The following C5 variants were observed in gnomAD, a reference collection of about 807,000 sequenced individuals.
The protein encoded by C5 is C3 and PZP-like alpha-2-macroglobulin domain-containing protein 4.
C5 carries 140 observed loss-of-function variants against 218.8 expected under a neutral mutation model. The ratio of observed to expected loss-of-function variants is 0.64; its 90% CI spans 0.56 to 0.74. The LOEUF is 0.74. C5 is among the 30% of genes least tolerant of loss of function. The probability of loss-of-function intolerance (pLI) is 0.00; values close to 1 mark genes in which losing one functional copy is unlikely to be tolerated. For synonymous variants in C5, 614 were observed against 682.3 expected (o/e 0.90, Z 1.56); for missense variants, 1,700 against 1,969.6 (o/e 0.86, Z 2.59).
chr9:121,074,010 A>G, the C5 span, among the ~76,000 whole-genome samples: 1 of 152,162 alleles, frequency 6.6e-6, no homozygotes, highest in Non-Finnish European at 1.5e-5. Context: ...GGTAAGAACA[A>G]GGGACTGGAA....
intron 27 of C5, among the ~76,000 whole-genome samples, chr9:120,980,888 A>G (rs922994158): frequency 1.3e-5 from 2 of 151,874 alleles, no homozygotes; most frequent in Non-Finnish European, 2.9e-5. Context: ...GAGCCACTGC[A>G]CCCGGCCCAT....
At position 120,982,751 on chromosome 9, in the gene C5, A is replaced by G; in HGVS notation, c.3294T>C (p.Asn1098=). 6.2e-7 allele frequency: 1 copy of G among 1,605,746 alleles called. No individual in the cohort carries two copies. The highest frequency in any genetic ancestry group is 1.3e-5 in the African/African-American group (1 of 74,886). Residue 1098 remains asparagine (N), a synonymous_variant, in exon 26 of 41, where the codon AAT becomes AAC. Transcript: ENST00000223642. ...GCCACAATAAAGAATTACAAATTGAATTTTGGTTCTGCTCTACGTATTTAT... is the reference window on the plus strand; with the variant it reads ...GCCACAATAAAGAATTACAAATTGAGTTTTGGTTCTGCTCTACGTATTTAT... ...QVNKYVEQNQ[N]SICNSLLWLV...
chr9:121,035,001 A>G, intron 4 of C5, 107 bp from the exon 5 acceptor site: 1 of 632,034 alleles, frequency 1.6e-6, no homozygotes, highest in East Asian at 2.8e-5. Context: ...AAATATTTGA[A>G]GACAAATACC....
chr9:120,991,175 G>T lies in C5; in HGVS notation c.2941+16C>A. On this transcript the variant is annotated intron_variant, in intron 23 of 40. Coordinates refer to ENST00000223642, the MANE Select transcript of C5 (RefSeq NM_001735.3). ...CCAAGTGAAATGAGAAATAAAAATG[G>T]CATTTGTTAATTTACCTTTTACACT... 4.4e-6 allele frequency: 6 copies of T among 1,374,680 alleles called. No individual in the cohort carries two copies. Among genetic ancestry groups the T allele is most frequent in the Non-Finnish European group, 5.2e-6 (5 of 962,112 alleles). 85.2% of individuals were successfully genotyped at this position (1,374,680 alleles called of 1,614,324 possible).
At chr9:120,999,727 T>C (rs1195472746) in intron 20 of C5, 1 of 231,932 alleles carries the variant, frequency 4.3e-6, no homozygotes, top group Non-Finnish European at 8.7e-6. Flanking sequence ...AATTACTAGA[T>C]AAAAAGAAAT....
upstream of C5, among the ~76,000 whole-genome samples, chr9:121,054,280 A>G (rs1276077150): frequency 6.6e-6 from 1 of 152,128 alleles, no homozygotes; most frequent in Non-Finnish European, 1.5e-5. Flanking sequence ...CAAACCATAA[A>G]ATATCATTAA....
chr9:120,979,137 C>T (rs1358290079), intron 28 of C5, among the ~76,000 whole-genome samples: 1 of 152,202 alleles, frequency 6.6e-6, no homozygotes, highest in African/African-American at 2.4e-5. Context: ...TACTCCTCTT[C>T]TCACTCCTCT....
chr9:121,043,263 G>A (rs1407026160), intron 2 of C5, 97 bp from the exon 3 acceptor site: 3 of 997,708 alleles, frequency 3.0e-6, no homozygotes, highest in South Asian at 1.4e-5. Flanking sequence ...AGAACAATCA[G>A]TATGTATATG....
intron 25 of C5, among the ~76,000 whole-genome samples, chr9:120,983,154 T>A (rs1029572289): frequency 6.6e-6 from 1 of 152,116 alleles, no homozygotes; most frequent in Non-Finnish European, 1.5e-5. Flanking sequence ...ACATGAGACA[T>A]GAAAGAGTAA....
chr9:120,981,846 C>T lies in C5; in HGVS notation c.3484G>A (p.Val1162Met), dbSNP rs2046996058. 3.1e-6 allele frequency: 5 copies of T among 1,607,790 alleles called. No homozygotes were observed. The African/African-American group carries it at 4.0e-5, about 13-fold the overall frequency. Residue 1162 changes from valine (V) to methionine (M), a missense_variant and splice_region_variant, in exon 27 of 41, where the codon GTG becomes ATG. Physicochemically the swap from Val to Met is conservative, Grantham distance 21. Coordinates refer to ENST00000223642, the MANE Select transcript of C5 (RefSeq NM_001735.3). The stretch of plus-strand genomic sequence containing the variant: ...AGAGAAAGAAAACTCTTACTTACCA[C>T]CAGGGGGCATATATCGAAAGCCTTT... ...IRKAFDICPL[V>M]KIDTALIKAD...
rs145968939 is a variant in C5, at chr9:120,969,080, G to A, written c.4201C>T (p.Arg1401Cys). 116 of 1,613,836 alleles carry A rather than the reference G, an allele frequency of 7.2e-5. No homozygotes were observed. The highest frequency in any genetic ancestry group is 9.2e-5 in the Non-Finnish European group (109 of 1,179,842). The change falls in exon 33 of 41, where the codon CGC becomes TGC. Residue 1401 changes from arginine to cysteine, a missense_variant. Coordinates refer to ENST00000223642, the MANE Select transcript of C5 (RefSeq NM_001735.3). The part of the protein sequence containing the change: ...YRGYGNSDYK[R>C]IVACASYKPS... ...GCTCACCTGGCACATGCTACTATGCGTTTGTAATCAGAGTTTCCGTAGCCT... is the reference window on the plus strand; with the variant it reads ...GCTCACCTGGCACATGCTACTATGCATTTGTAATCAGAGTTTCCGTAGCCT...
intron 4 of C5, among the ~76,000 whole-genome samples, chr9:121,037,546 C>T (rs1250715292): frequency 1.3e-5 from 2 of 151,992 alleles, no homozygotes; most frequent in Admixed American, 6.6e-5. Flanking sequence ...CTCCTGACCT[C>T]GTGATCCACC....
At chr9:120,968,803 C>T (rs996315397) in intron 33 of C5, among the ~76,000 whole-genome samples, 16 of 152,060 alleles carry the variant, frequency 1.1e-4, no homozygotes, top group Non-Finnish European at 2.1e-4. Flanking sequence ...ACATTTCTAT[C>T]CCTCTGAAAG....
chr9:120,987,896 G>T (rs914504824), intron 25 of C5, among the ~76,000 whole-genome samples: 1 of 151,890 alleles, frequency 6.6e-6, no homozygotes, highest in Admixed American at 6.6e-5. Flanking sequence ...GGGTTTAAGT[G>T]ATTCTCCTGC....
chr9:120,959,771 C>CA, intron 38 of C5, among the ~76,000 whole-genome samples: 1 of 152,138 alleles, frequency 6.6e-6, no homozygotes, highest in Non-Finnish European at 1.5e-5. Flanking sequence ...TTTGCTTTTT[C>CA]AAATGGAGAG....
At chr9:121,043,773 C>T (rs2047601912) in intron 2 of C5, among the ~76,000 whole-genome samples, 2 of 147,498 alleles carry the variant, frequency 1.4e-5, no homozygotes, top group African/African-American at 5.0e-5. Flanking sequence ...GTCCTGAACT[C>T]CTGGCCTCAA....
intron 17 of C5, 151 bp from the exon 18 acceptor site, chr9:121,008,649 G>T: frequency 1.5e-6 from 1 of 666,788 alleles, no homozygotes; most frequent in Non-Finnish European, 2.6e-6. Context: ...AGAATTATAG[G>T]CAGGGTGCAG....
chr9:121,024,064 C>CA (rs1005677171), intron 9 of C5, among the ~76,000 whole-genome samples: 1 of 148,076 alleles, frequency 6.8e-6, no homozygotes, highest in Admixed American at 6.8e-5. Flanking sequence ...AAAACGAAAA[C>CA]AAAAAAAGTG....
chr9:121,044,656 G>T (rs1266244568), intron 2 of C5, among the ~76,000 whole-genome samples: 2 of 152,156 alleles, frequency 1.3e-5, no homozygotes, highest in Non-Finnish European at 2.9e-5. Context: ...AAAATTAAAT[G>T]GTTAAAATAT....
Sources: gnomAD v4.1 joint callset for allele counts (sites outside exome capture counted in the v4.1 genomes callset) on GRCh38, gnomAD v4.1.1 for gene constraint, MANE v1.5 for transcripts, NCBI Gene and HGNC (gene_info 2026-07-23, HGNC 2026-07-21) for gene names.